Variants in TAOK1 observed in about 807,000 individuals in gnomAD.
The protein encoded by TAOK1 is TAO kinase 1, also known as serine/threonine-protein kinase TAO1.
Under a neutral mutation model 138.3 loss-of-function variants are expected in TAOK1, and 21 were observed. The ratio of observed to expected loss-of-function variants is 0.15; its 90% confidence interval spans 0.11 to 0.22. TAOK1 has a LOEUF of 0.22. TAOK1 is among the 10% of genes least tolerant of loss of function. TAOK1 has a pLI of 1.00. For missense variants in TAOK1, 651 were observed against 1,227.7 expected, an observed-to-expected ratio of 0.53 and a Z score of 7.02; for synonymous variants, 361 against 398.4, an observed-to-expected ratio of 0.91 and a Z score of 1.12.
chr17:29,530,308 T>G, intron 17 of TAOK1, 99 bp from the exon 18 acceptor site: 1 of 1,101,950 alleles, frequency 9.1e-7, no homozygotes, highest in Non-Finnish European at 1.3e-6. Context: ...TTTCCTCTCA[T>G]TTTTTTCCTA....
intron 3 of TAOK1, among the ~76,000 whole-genome samples, chr17:29,473,333 C>T (rs1328955819): frequency 2.2e-4 from 33 of 152,042 alleles, no homozygotes; most frequent in Admixed American, 1.3e-4. Flanking sequence ...AAGGCTATTT[C>T]ATCTACACTG....
In TAOK1 at chr17:29,495,875, A is replaced by G. The variant is rs2031402732; in HGVS notation, c.999+148A>G. 3 of 695,710 alleles carry G rather than the reference A, an allele frequency of 4.3e-6. No homozygotes were observed. In the East Asian group the frequency reaches 9.2e-5, roughly 21 times the overall value. The allele number at this position is 695,710 out of a possible 1,614,324, so 43.1% of individuals were successfully genotyped here. On this transcript the variant is annotated intron_variant, in intron 11 of 19. Coordinates refer to ENST00000261716, the MANE Select transcript of TAOK1 (RefSeq NM_020791.4). ...TGGTCCTATAAAATCCCAGTTAGGA[A>G]TAAAAAAAGGTCCTTTTTTCTTGGA...
At chr17:29,501,701 A>G (rs925529696) in intron 12 of TAOK1, among the ~76,000 whole-genome samples, 1 of 151,656 alleles carries the variant, frequency 6.6e-6, no homozygotes, top group African/African-American at 2.4e-5. Context: ...TTTTCAAGTT[A>G]TGTTAAAGCT....
intron 1 of TAOK1, among the ~76,000 whole-genome samples, chr17:29,416,027 C>T (rs1471273346): frequency 6.6e-6 from 1 of 152,136 alleles, no homozygotes; most frequent in African/African-American, 2.4e-5. Context: ...CTTGGGGAGG[C>T]TGAGGCAGGC....
chr17:29,542,196 C>G (rs551021948), intron 19 of TAOK1, among the ~76,000 whole-genome samples: 3 of 152,180 alleles, frequency 2.0e-5, no homozygotes, highest in African/African-American at 7.2e-5. Flanking sequence ...AAATGTATAT[C>G]CATAGCATCA....
chr17:29,508,765 C>G (rs918880805), intron 14 of TAOK1, among the ~76,000 whole-genome samples: 5 of 152,116 alleles, frequency 3.3e-5, no homozygotes, highest in Admixed American at 3.3e-4. Flanking sequence ...GATTCAGATT[C>G]AGATTGAGCT....
chr17:29,411,420 C>T (rs1905141644), intron 1 of TAOK1, among the ~76,000 whole-genome samples: 1 of 151,240 alleles, frequency 6.6e-6, no homozygotes, highest in Non-Finnish European at 1.5e-5. Flanking sequence ...GAGACAGAAT[C>T]TCACTCTGTT....
At chr17:29,538,442 C>T (rs548679801) in intron 19 of TAOK1, among the ~76,000 whole-genome samples, 1 of 152,180 alleles carries the variant, frequency 6.6e-6, no homozygotes, top group East Asian at 1.9e-4. Flanking sequence ...GTTTTTATGG[C>T]TAATATTTTG....
chr17:29,440,865 C>T (rs1461088715), intron 1 of TAOK1, among the ~76,000 whole-genome samples: 8 of 152,154 alleles, frequency 5.3e-5, no homozygotes, highest in African/African-American at 9.7e-5. Context: ...CATGAGCCAC[C>T]GGCCCAGCCT....
At chr17:29,513,188 G>A (rs1021677135) in intron 15 of TAOK1, 3 of 151,734 alleles carry the variant, frequency 2.0e-5, no homozygotes, top group Non-Finnish European at 4.4e-5. Context: ...GTATGTGTAG[G>A]AATTTGCCTT....
At chr17:29,438,455 C>G (rs898215677) in intron 1 of TAOK1, among the ~76,000 whole-genome samples, 1 of 152,142 alleles carries the variant, frequency 6.6e-6, no homozygotes, top group Admixed American at 6.5e-5. Flanking sequence ...GAGGCTGAGG[C>G]GGGCGGACCA....
In TAOK1 at chr17:29,446,564, CAT is replaced by C. The variant is rs1404594905; in HGVS notation, c.-94-4889_-94-4888del. 1.7e-4 allele frequency among the ~76,000 whole-genome samples: 26 copies of C among 152,070 alleles called. No homozygotes were observed. In the East Asian group the frequency reaches 5.0e-3, roughly 30 times the overall value. On this transcript the variant is annotated intron_variant, in intron 1 of 19. Transcript: ENST00000261716. The stretch of plus-strand genomic sequence containing the variant: ...GCTGTATTTTAGTTTTTATTCAGTT[CAT>C]AGTCTTTTTCTAATTTTCCTCAAAA...
chr17:29,455,142 C>T (rs2030342043), intron 2 of TAOK1, among the ~76,000 whole-genome samples: 1 of 151,770 alleles, frequency 6.6e-6, no homozygotes. Flanking sequence ...AACTCCTGAC[C>T]TCAAGTGATC....
At chr17:29,397,621 T>G (rs1464263851) in intron 1 of TAOK1, among the ~76,000 whole-genome samples, 1 of 61,052 alleles carries the variant, frequency 1.6e-5, no homozygotes, top group Non-Finnish European at 2.8e-5. Flanking sequence ...AAAATATATA[T>G]ATATATATAC....
At chr17:29,426,239 T>A (rs1168336633) in intron 1 of TAOK1, among the ~76,000 whole-genome samples, 2 of 152,188 alleles carry the variant, frequency 1.3e-5, no homozygotes, top group Non-Finnish European at 2.9e-5. Flanking sequence ...GTTTAGGTGC[T>A]ATGTAGTAGG....
chr17:29,518,382 G>T (rs1453021724), intron 16 of TAOK1, among the ~76,000 whole-genome samples: 1 of 152,226 alleles, frequency 6.6e-6, no homozygotes, highest in Non-Finnish European at 1.5e-5. Context: ...CTACCTGGGA[G>T]GCTGAAGCAT....
intron 1 of TAOK1, among the ~76,000 whole-genome samples, chr17:29,433,714 G>A (rs749822448): frequency 5.3e-5 from 8 of 152,250 alleles, no homozygotes; most frequent in Admixed American, 2.0e-4. Flanking sequence ...GGAGGGGCCA[G>A]ACTCCTCCCC....
rs1193171645 is a variant in TAOK1 at position 29,532,959 on chromosome 17, C to G, written c.2362-1159C>G. Among the ~76,000 whole-genome samples, 3 of 125,726 alleles carry G rather than the reference C, an allele frequency of 2.4e-5. 1 individual carries two copies. The South Asian group carries it at 8.2e-4, about 34-fold the overall frequency. The allele number at this position is 125,726 out of a possible 152,430, so 82.5% of individuals were successfully genotyped here. On this transcript the variant is annotated intron_variant, in intron 18 of 19. Coordinates refer to ENST00000261716, the MANE Select transcript of TAOK1 (RefSeq NM_020791.4). ...GGGGCTGACCCCCCCACCTCCCTCCCGGACGGGGCGGGTGGCCGGGCAGGG... is the reference window on the plus strand; with the variant it reads ...GGGGCTGACCCCCCCACCTCCCTCCGGGACGGGGCGGGTGGCCGGGCAGGG...
chr17:29,481,299 T>A (rs1359565790), intron 7 of TAOK1, among the ~76,000 whole-genome samples: 18 of 151,820 alleles, frequency 1.2e-4, no homozygotes, highest in Admixed American at 1.2e-3. Flanking sequence ...GTTCAAGCGA[T>A]TCTCCTGCCT....
Sources: gnomAD v4.1 joint callset for allele counts (sites outside exome capture counted in the v4.1 genomes callset) on GRCh38, gnomAD v4.1.1 for gene constraint, MANE v1.5 for transcripts, NCBI Gene and HGNC (gene_info 2026-07-23, HGNC 2026-07-21) for gene names.